Variants in GPC5 observed in about 807,000 individuals in gnomAD.
GPC5 encodes glypican 5, also known as glypican-5.
GPC5 carries 47 observed loss-of-function variants against 53.9 expected under a neutral mutation model. The observed-to-expected ratio is 0.87, with a 90% CI of 0.69 to 1.11. The LOEUF is 1.11. Ranked by LOEUF, GPC5 falls within the 50% of genes most tolerant of loss-of-function variation. GPC5 has a pLI of 0.00. For missense variants in GPC5, 748 were observed against 713.1 expected, an observed-to-expected ratio of 1.05 and a Z score of -0.56; for synonymous variants, 286 against 263.3, an observed-to-expected ratio of 1.09 and a Z score of -0.84.
chr13:92,412,797 G>T (rs1380895334), intron 7 of GPC5, among the ~76,000 whole-genome samples: 1 of 151,958 alleles, frequency 6.6e-6, no homozygotes. Context: ...CTGAAATATC[G>T]ATGTGTTTAT....
At position 92,144,943 on chromosome 13, in the gene GPC5, G is replaced by A. The variant is rs2041856228; in HGVS notation, c.1515G>A (p.Gly505=). The A allele has an allele frequency of 2.5e-6, 4 of 1,580,248 alleles. No individual in the cohort carries two copies. The highest frequency in any genetic ancestry group is 1.2e-5 in the South Asian group (1 of 85,864). ...SGDCDDEDGC[G]GSGSGEVKRT... ...ACTGTGATGATGAAGATGGTTGCGG[G>A]GGATCAGGAAGTGGAGAAGTCAAGA... The change falls in exon 7 of 8, where the codon GGG becomes GGA. Residue 505 remains glycine (G), a synonymous_variant. Coordinates refer to ENST00000377067, the MANE Select transcript of GPC5 (RefSeq NM_004466.6).
chr13:92,462,542 G>A (rs1265525704), intron 7 of GPC5, among the ~76,000 whole-genome samples: 1 of 152,078 alleles, frequency 6.6e-6, no homozygotes, highest in Non-Finnish European at 1.5e-5. Context: ...TTAAATTTGA[G>A]GAGGTTATTG....
At chr13:91,909,971 A>T (rs1194689957) in intron 6 of GPC5, among the ~76,000 whole-genome samples, 1 of 152,062 alleles carries the variant, frequency 6.6e-6, no homozygotes, top group Non-Finnish European at 1.5e-5. Context: ...GAATGTGAAG[A>T]TGGCCAATTA....
In GPC5 at chr13:91,748,036, C is replaced by G. The variant is rs188137914; in HGVS notation, c.1155-8259C>G. On this transcript the variant is annotated intron_variant, in intron 4 of 7. Transcript: ENST00000377067. ...CAGTTCTCATCCCGGACCAATAAATCTGATTGTTTGAGGGAGAACTCCAGG... is the reference window on the plus strand; with the variant it reads ...CAGTTCTCATCCCGGACCAATAAATGTGATTGTTTGAGGGAGAACTCCAGG... Among the ~76,000 whole-genome samples, 11 of 152,312 alleles carry G rather than the reference C, an allele frequency of 7.2e-5. No individual in the cohort carries two copies. In the East Asian group the frequency reaches 2.1e-3, roughly 29 times the overall value.
chr13:91,858,561 G>A (rs1280575807), intron 5 of GPC5, among the ~76,000 whole-genome samples: 3 of 151,940 alleles, frequency 2.0e-5, no homozygotes, highest in Non-Finnish European at 4.4e-5. Context: ...GTTGAATGCA[G>A]TTTGCTAGTA....
At chr13:91,651,266 C>T (rs1047885311) in intron 2 of GPC5, among the ~76,000 whole-genome samples, 5 of 152,046 alleles carry the variant, frequency 3.3e-5, no homozygotes, top group African/African-American at 9.7e-5. Context: ...ATGAGGTCTA[C>T]TCACATTCTG....
intron 7 of GPC5, among the ~76,000 whole-genome samples, chr13:92,364,798 T>C (rs1399305695): frequency 6.6e-6 from 1 of 151,830 alleles, no homozygotes; most frequent in East Asian, 1.9e-4. Flanking sequence ...TTTTATCTTT[T>C]CCACCTTTCC....
intron 6 of GPC5, among the ~76,000 whole-genome samples, chr13:92,061,925 G>A (rs1008766117): frequency 6.6e-6 from 1 of 151,978 alleles, no homozygotes; most frequent in Admixed American, 6.6e-5. Flanking sequence ...TAGGCTATAA[G>A]ATCTTTTTCA....
At chr13:91,966,243 C>T (rs1240991289) in intron 6 of GPC5, among the ~76,000 whole-genome samples, 1 of 152,126 alleles carries the variant, frequency 6.6e-6, no homozygotes, top group African/African-American at 2.4e-5. Context: ...CTTACTTTAA[C>T]ATTTCCCTTT....
chr13:91,666,753 C>T (rs1157712853), intron 2 of GPC5, among the ~76,000 whole-genome samples: 1 of 151,904 alleles, frequency 6.6e-6, no homozygotes, highest in East Asian at 1.9e-4. Flanking sequence ...TTTTGTTTTT[C>T]TACTTTAGAT....
intron 5 of GPC5, among the ~76,000 whole-genome samples, chr13:91,846,764 T>C (rs1198277431): frequency 6.6e-6 from 1 of 152,158 alleles, no homozygotes; most frequent in Non-Finnish European, 1.5e-5. Context: ...TCTCAAATCC[T>C]CTGCAGAAAA....
intron 7 of GPC5, among the ~76,000 whole-genome samples, chr13:92,402,698 G>T (rs2139338653): frequency 6.6e-6 from 1 of 152,304 alleles, no homozygotes; most frequent in African/African-American, 2.4e-5. Flanking sequence ...GGTTAGGCTT[G>T]TGGCTTGTTG....
At chr13:91,700,512 G>C (rs79413327) in intron 3 of GPC5, among the ~76,000 whole-genome samples, 2,714 of 152,270 alleles carry the variant, frequency 0.018, 73 homozygotes, top group African/African-American at 0.062. Flanking sequence ...TAGAAGAGTG[G>C]TCCATCACGT....
chr13:92,555,945 AGT>A (rs1882479523), intron 7 of GPC5, among the ~76,000 whole-genome samples: 3 of 151,730 alleles, frequency 2.0e-5, no homozygotes, highest in South Asian at 4.1e-4. Context: ...TTCATATACA[AGT>A]GTATACTATA....
At chr13:92,817,948 C>G (rs1265171106) in intron 7 of GPC5, among the ~76,000 whole-genome samples, 1 of 151,232 alleles carries the variant, frequency 6.6e-6, no homozygotes, top group Non-Finnish European at 1.5e-5. Context: ...TAGAAACTAG[C>G]ATTTCTACAA....
chr13:91,469,678 C>G (rs1439489003), intron 2 of GPC5, among the ~76,000 whole-genome samples: 1 of 152,136 alleles, frequency 6.6e-6, no homozygotes, highest in African/African-American at 2.4e-5. Context: ...AAAACATACT[C>G]TCTTCTGATT....
intron 5 of GPC5, among the ~76,000 whole-genome samples, chr13:91,784,961 G>T (rs1338104261): frequency 1.3e-5 from 2 of 152,110 alleles, no homozygotes; most frequent in Non-Finnish European, 2.9e-5. Flanking sequence ...AAGCCCAGTG[G>T]TTGCTACTTG....
intron 7 of GPC5, among the ~76,000 whole-genome samples, chr13:92,343,423 T>C (rs1249761009): frequency 6.6e-6 from 1 of 152,206 alleles, no homozygotes; most frequent in Non-Finnish European, 1.5e-5. Context: ...TCCTTTTATT[T>C]TCCCTTCCTC....
chr13:91,703,655 G>A (rs932746525), intron 3 of GPC5, among the ~76,000 whole-genome samples: 13 of 152,140 alleles, frequency 8.5e-5, no homozygotes, highest in African/African-American at 3.1e-4. Context: ...GGTAATGCTG[G>A]CCTTATAAAA....
Sources: allele counts gnomAD v4.1 joint callset (sites outside exome capture counted in the v4.1 genomes callset), GRCh38; gene constraint gnomAD v4.1.1; transcripts MANE v1.5; gene names NCBI Gene and HGNC (gene_info 2026-07-23, HGNC 2026-07-21).